The following WDR70 variants were observed in gnomAD, a reference collection of about 807,000 sequenced individuals.
The protein encoded by WDR70 is WD repeat domain 70.
In WDR70, 53 loss-of-function variants were observed where a neutral mutation model predicts 88.6. The ratio of observed to expected loss-of-function variants is 0.60; its 90% CI spans 0.48 to 0.75. The LOEUF is 0.75. WDR70 is among the 30% of genes least tolerant of loss of function. The pLI, the probability that WDR70 is intolerant of heterozygous loss-of-function variation, is 0.00. For synonymous variants in WDR70, 280 were observed against 270.0 expected, an observed-to-expected ratio of 1.04 and a Z score of -0.36; for missense variants, 610 against 823.2, an observed-to-expected ratio of 0.74 and a Z score of 3.17.
At chr5:37,602,467 C>T (rs1743913783) in intron 9 of WDR70, among the ~76,000 whole-genome samples, 1 of 151,194 alleles carries the variant, frequency 6.6e-6, no homozygotes, top group Non-Finnish European at 1.5e-5. Context: ...ATTAGCCAGG[C>T]AAGGTGGCGG....
chr5:37,470,453 A>G (rs1017143662), intron 7 of WDR70, among the ~76,000 whole-genome samples: 3 of 152,210 alleles, frequency 2.0e-5, no homozygotes, highest in Non-Finnish European at 4.4e-5. Context: ...CCCAGATAGA[A>G]GAAGTAGAGT....
At chr5:37,457,094 T>G (rs1374164303) in intron 7 of WDR70, among the ~76,000 whole-genome samples, 3 of 152,102 alleles carry the variant, frequency 2.0e-5, no homozygotes, top group Non-Finnish European at 2.9e-5. Flanking sequence ...GCATAACACT[T>G]TGATAATGTC....
intron 6 of WDR70, among the ~76,000 whole-genome samples, chr5:37,442,511 T>A (rs1324539120): frequency 6.6e-6 from 1 of 151,994 alleles, no homozygotes; most frequent in Non-Finnish European, 1.5e-5. Flanking sequence ...TTAGTAAAGA[T>A]GGGGTTTCTC....
At chr5:37,628,498 T>G (rs1393834640) in intron 10 of WDR70, among the ~76,000 whole-genome samples, 8 of 152,228 alleles carry the variant, frequency 5.3e-5, no homozygotes, top group Non-Finnish European at 1.2e-4. Flanking sequence ...GCTTTTAACT[T>G]GAAGTCTATT....
At chr5:37,584,337 A>T (rs1055444159) in intron 9 of WDR70, among the ~76,000 whole-genome samples, 7 of 152,226 alleles carry the variant, frequency 4.6e-5, no homozygotes, top group African/African-American at 1.7e-4. Flanking sequence ...ATAATTCTCC[A>T]TGTACAAGAG....
At chr5:37,705,802 C>T (rs1747306339) in intron 13 of WDR70, among the ~76,000 whole-genome samples, 1 of 152,152 alleles carries the variant, frequency 6.6e-6, no homozygotes, top group African/African-American at 2.4e-5. Context: ...GGCAGCATCT[C>T]AGATTCTTAA....
At chr5:37,661,296 T>C (rs1185940682) in intron 10 of WDR70, among the ~76,000 whole-genome samples, 1 of 152,184 alleles carries the variant, frequency 6.6e-6, no homozygotes, top group Non-Finnish European at 1.5e-5. Context: ...GTAGGGGGTC[T>C]TGGGTCAGAG....
intron 10 of WDR70, among the ~76,000 whole-genome samples, chr5:37,657,805 A>G (rs959625027): frequency 6.6e-6 from 1 of 152,114 alleles, no homozygotes; most frequent in African/African-American, 2.4e-5. Context: ...CTACATTTCT[A>G]TATTCTAACC....
intron 17 of WDR70, among the ~76,000 whole-genome samples, chr5:37,741,799 C>T (rs1207393191): frequency 6.6e-6 from 1 of 152,154 alleles, no homozygotes; most frequent in Non-Finnish European, 1.5e-5. Flanking sequence ...AAGCACCATT[C>T]TACTTTTTAA....
At chr5:37,649,363 T>C (rs1745328707) in intron 10 of WDR70, among the ~76,000 whole-genome samples, 1 of 151,586 alleles carries the variant, frequency 6.6e-6, no homozygotes, top group African/African-American at 2.4e-5. Context: ...TTTTTATTTA[T>C]TTACTTACTT....
chr5:37,680,225 C>T (rs896801943), intron 10 of WDR70, among the ~76,000 whole-genome samples: 1 of 151,466 alleles, frequency 6.6e-6, no homozygotes, highest in African/African-American at 2.4e-5. Context: ...TGTTCATGTC[C>T]TTTGCATACT....
intron 17 of WDR70, among the ~76,000 whole-genome samples, chr5:37,743,245 C>T (rs1032592672): frequency 1.3e-5 from 2 of 152,248 alleles, no homozygotes; most frequent in African/African-American, 2.4e-5. Flanking sequence ...TGAGTGAACA[C>T]GCTATCCAGC....
At chr5:37,723,936 A>C (rs1747897084) in intron 15 of WDR70, 1 of 152,238 alleles carries the variant, frequency 6.6e-6, no homozygotes. Flanking sequence ...GGCATGTTTT[A>C]CTGGTGAGTG....
At chr5:37,394,369 A>G (rs1230523094) in intron 4 of WDR70, among the ~76,000 whole-genome samples, 1 of 152,010 alleles carries the variant, frequency 6.6e-6, no homozygotes. Flanking sequence ...ATTTTGGAGT[A>G]TGAATAGCTT....
intron 9 of WDR70, among the ~76,000 whole-genome samples, chr5:37,557,959 T>TTTGAAAACTATTCAA: frequency 6.8e-6 from 1 of 146,502 alleles, no homozygotes; most frequent in Non-Finnish European, 1.5e-5. Context: ...AAAAGAGTAT[T>TTTGAAAACTATTCAA]ATGTATATTT....
intron 2 of WDR70, among the ~76,000 whole-genome samples, 157 bp downstream of exon 2, chr5:37,379,711 T>A (rs1228887707): frequency 6.6e-6 from 1 of 151,688 alleles, no homozygotes; most frequent in African/African-American, 2.4e-5. Flanking sequence ...TCTTCTATTC[T>A]GCGTTATCCG....
chr5:37,666,743 T>C (rs1745853427), intron 10 of WDR70, among the ~76,000 whole-genome samples: 1 of 152,190 alleles, frequency 6.6e-6, no homozygotes, highest in African/African-American at 2.4e-5. Context: ...CCATGAGTAC[T>C]ATGTACCATG....
chr5:37,689,569 G>C (rs569786290), intron 10 of WDR70, among the ~76,000 whole-genome samples: 127 of 152,290 alleles, frequency 8.3e-4, no homozygotes, highest in African/African-American at 1.4e-3. Context: ...AGGCAAACAG[G>C]GTCTGGAGTG....
At chr5:37,675,675 C>A (rs1309299709) in intron 10 of WDR70, among the ~76,000 whole-genome samples, 1 of 152,142 alleles carries the variant, frequency 6.6e-6, no homozygotes, top group Admixed American at 6.5e-5. Flanking sequence ...CGTGATGCCT[C>A]CAGCTTTGTT....
Sources: gnomAD v4.1 joint callset for allele counts (sites outside exome capture counted in the v4.1 genomes callset) on GRCh38, gnomAD v4.1.1 for gene constraint, MANE v1.5 for transcripts, NCBI Gene and HGNC (gene_info 2026-07-23, HGNC 2026-07-21) for gene names.